PEPD: variants seen among roughly 807,000 people sequenced by gnomAD.
PEPD encodes the protein xaa-Pro dipeptidase.
PEPD carries 53 observed loss-of-function variants against 60.7 expected under a neutral mutation model. That is an observed-to-expected ratio of 0.87 (90% CI 0.70 to 1.10). The LOEUF is 1.10. PEPD is among the 50% of genes least tolerant of loss of function. The pLI, the probability that PEPD is intolerant of heterozygous loss-of-function variation, is 0.00. For synonymous variants in PEPD, 267 were observed against 284.1 expected (o/e 0.94, Z 0.60); for missense variants, 711 against 711.9 (o/e 1.00, Z 0.01).
At chr19:33,407,468 C>T (rs950858046) in intron 11 of PEPD, among the ~76,000 whole-genome samples, 1 of 152,202 alleles carries the variant, frequency 6.6e-6, no homozygotes, top group Non-Finnish European at 1.5e-5. Context: ...GGGGATGAGT[C>T]CTGGCCACCT....
chr19:33,505,459 C>G (rs1450743166), intron 3 of PEPD, among the ~76,000 whole-genome samples: 2 of 152,046 alleles, frequency 1.3e-5, no homozygotes, highest in Non-Finnish European at 2.9e-5. Flanking sequence ...AGTGACCAGG[C>G]CTGCCCAGGG....
chr19:33,408,343 G>A lies in PEPD; in HGVS notation c.818+3329C>T, dbSNP rs115516033. On this transcript the variant is annotated intron_variant, in intron 11 of 14. Coordinates refer to ENST00000244137, the MANE Select transcript of PEPD (RefSeq NM_000285.4). ...GCCTGCCCAGCTCGGTGAGGACACC[G>A]GGCCTGCTGCTCTTGCCCGAAGAGG... Among the ~76,000 whole-genome samples the A allele has an allele frequency of 2.4e-3, 365 of 152,364 alleles. 5 individuals carry two copies. The highest frequency in any genetic ancestry group is 7.9e-3 in the African/African-American group (329 of 41,588).
At chr19:33,397,352 G>A (rs1001883029) in intron 12 of PEPD, among the ~76,000 whole-genome samples, 6 of 152,030 alleles carry the variant, frequency 3.9e-5, no homozygotes, top group Admixed American at 2.6e-4. Flanking sequence ...GGATGCAGTC[G>A]GGCAGTCTCG....
chr19:33,456,388 G>A (rs182430247), intron 9 of PEPD, among the ~76,000 whole-genome samples: 2 of 152,282 alleles, frequency 1.3e-5, no homozygotes, highest in Admixed American at 1.3e-4. Context: ...CCTAGGCATG[G>A]CCAGCCAGGG....
chr19:33,435,587 TG>T (rs1392953848), intron 9 of PEPD, among the ~76,000 whole-genome samples: 2 of 152,352 alleles, frequency 1.3e-5, no homozygotes, highest in East Asian at 1.9e-4. Flanking sequence ...GCCCTGGTGC[TG>T]GGGTCCCTGG....
At chr19:33,464,436 T>C (rs769901123) in intron 7 of PEPD, among the ~76,000 whole-genome samples, 3 of 152,240 alleles carry the variant, frequency 2.0e-5, no homozygotes, top group Non-Finnish European at 4.4e-5. Flanking sequence ...ATGGCATGGC[T>C]ACTGGGCCAT....
chr19:33,472,592 T>C (rs1002621145), intron 7 of PEPD, among the ~76,000 whole-genome samples: 1 of 152,180 alleles, frequency 6.6e-6, no homozygotes, highest in Non-Finnish European at 1.5e-5. Flanking sequence ...CTTATTTTTT[T>C]CCTTAAACAT....
At chr19:33,469,230 T>C (rs1330269161) in intron 7 of PEPD, among the ~76,000 whole-genome samples, 1 of 152,106 alleles carries the variant, frequency 6.6e-6, no homozygotes, top group Non-Finnish European at 1.5e-5. Context: ...TGCTGTAGAC[T>C]CCTCAGCCCT....
At chr19:33,428,167 C>T (rs1001849074) in intron 9 of PEPD, among the ~76,000 whole-genome samples, 2 of 152,328 alleles carry the variant, frequency 1.3e-5, no homozygotes, top group South Asian at 2.1e-4. Context: ...ATCTCGCCAG[C>T]GCCACCCACT....
chr19:33,521,028 T>TC (rs1971121071), intron 1 of PEPD, among the ~76,000 whole-genome samples: 1 of 152,154 alleles, frequency 6.6e-6, no homozygotes, highest in African/African-American at 2.4e-5. Context: ...GCTCAGATGC[T>TC]CCCTATCTGG....
intron 3 of PEPD, among the ~76,000 whole-genome samples, chr19:33,509,814 A>G (rs566933283): frequency 1.3e-5 from 2 of 152,326 alleles, no homozygotes; most frequent in African/African-American, 2.4e-5. Context: ...CCGCCCTGGC[A>G]CCACTGAGCA....
At chr19:33,471,410 C>T (rs547688720) in intron 7 of PEPD, among the ~76,000 whole-genome samples, 20 of 152,302 alleles carry the variant, frequency 1.3e-4, no homozygotes, top group South Asian at 1.2e-3. Context: ...CAGCATTCCG[C>T]GCAGTTTCTC....
chr19:33,438,581 G>A (rs567349941), intron 9 of PEPD, among the ~76,000 whole-genome samples: 1 of 152,356 alleles, frequency 6.6e-6, no homozygotes, highest in East Asian at 1.9e-4. Flanking sequence ...GGCGGGCAGG[G>A]TTCTGCTGGA....
intron 7 of PEPD, among the ~76,000 whole-genome samples, chr19:33,468,823 C>A (rs1970068562): frequency 6.6e-6 from 1 of 152,226 alleles, no homozygotes; most frequent in South Asian, 2.1e-4. Flanking sequence ...TAAAGCCTGA[C>A]AGCATGCTGT....
At chr19:33,478,019 G>A in intron 7 of PEPD, 27 bp downstream of exon 7, 1 of 1,566,684 alleles carries the variant, frequency 6.4e-7, no homozygotes, top group Non-Finnish European at 8.8e-7. Flanking sequence ...ACAACAAACA[G>A]GCAAGGTGAC....
At chr19:33,509,981 AC>A (rs1970889588) in intron 3 of PEPD, among the ~76,000 whole-genome samples, 1 of 152,026 alleles carries the variant, frequency 6.6e-6, no homozygotes, top group Admixed American at 6.6e-5. Flanking sequence ...CAAATAACAC[AC>A]CCAGCATATC....
At chr19:33,413,406 C>G (rs1044797132) in intron 10 of PEPD, among the ~76,000 whole-genome samples, 169 bp downstream of exon 10, 2 of 152,164 alleles carry the variant, frequency 1.3e-5, no homozygotes, top group Non-Finnish European at 2.9e-5. Flanking sequence ...CACCTCAGCT[C>G]CGGGAGTCTT....
chr19:33,391,741 C>A (rs567245561), intron 12 of PEPD, among the ~76,000 whole-genome samples: 1 of 152,308 alleles, frequency 6.6e-6, no homozygotes, highest in South Asian at 2.1e-4. Context: ...GTTCCTGTCA[C>A]CTGTAGCCAA....
At chr19:33,470,299 G>C (rs530192330) in intron 7 of PEPD, among the ~76,000 whole-genome samples, 8 of 152,134 alleles carry the variant, frequency 5.3e-5, no homozygotes, top group African/African-American at 1.7e-4. Context: ...GCTTCCCCTC[G>C]TTTCCAGTGG....
Sources: gnomAD v4.1 joint callset for allele counts (sites outside exome capture counted in the v4.1 genomes callset) on GRCh38, gnomAD v4.1.1 for gene constraint, MANE v1.5 for transcripts, NCBI Gene and HGNC (gene_info 2026-07-23, HGNC 2026-07-21) for gene names.